CCDC47: variants seen among roughly 807,000 people sequenced by gnomAD.
CCDC47 encodes the protein coiled-coil domain containing 47, also known as PAT complex subunit CCDC47.
Under a neutral mutation model 60.5 loss-of-function variants are expected in CCDC47, and 41 were observed. The ratio of observed to expected loss-of-function variants is 0.68; its 90% CI spans 0.53 to 0.88. The LOEUF (loss-of-function observed/expected upper bound fraction) is 0.88. Ranked by LOEUF, CCDC47 falls within the 40% of genes least tolerant of loss-of-function variation. The pLI is 0.00. For synonymous variants in CCDC47, 195 were observed against 190.7 expected, an observed-to-expected ratio of 1.02 and a Z score of -0.18; for missense variants, 513 against 580.9, an observed-to-expected ratio of 0.88 and a Z score of 1.20.
chr17:63,747,458 T>G (rs528404205), intron 12 of CCDC47: 1 of 982,348 alleles, frequency 1.0e-6, no homozygotes, highest in East Asian at 1.1e-4. Flanking sequence ...TAATGCTCTA[T>G]TTGAGACATC....
intron 12 of CCDC47, chr17:63,747,327 A>C: frequency 2.0e-6 from 2 of 983,156 alleles, no homozygotes; most frequent in Non-Finnish European, 2.4e-6. Context: ...TAAATGTATA[A>C]CTGCCAGAAG....
chr17:63,752,011 C>T lies in CCDC47; in HGVS notation c.1300G>A (p.Glu434Lys). 1 of 1,613,596 alleles carries T rather than the reference C, an allele frequency of 6.2e-7. No homozygotes were observed. Among genetic ancestry groups the T allele is most frequent in the Non-Finnish European group, 8.5e-7 (1 of 1,179,970 alleles). The part of the protein sequence containing the change: ...QRQEAAQSRR[E>K]EKKRAEKERI... Reference sequence around the variant, plus strand: ...TCCTTCTCTGCTCTTTTTTTCTCCTCCCGCCGAGACTGTGCTGCTTCCTGT... The same window carrying T: ...TCCTTCTCTGCTCTTTTTTTCTCCTTCCGCCGAGACTGTGCTGCTTCCTGT... The change falls in exon 12 of 13, where the codon GAG (glutamate) becomes AAG (lysine). Residue 434 changes from glutamate to lysine, a missense_variant. Transcript: ENST00000225726.
intron 12 of CCDC47, among the ~76,000 whole-genome samples, chr17:63,751,037 G>A (rs1053916593): frequency 2.6e-4 from 24 of 92,908 alleles, no homozygotes; most frequent in Non-Finnish European, 4.1e-5. Flanking sequence ...ACTATGCACA[G>A]CTAATTTTTT....
intron 6 of CCDC47, among the ~76,000 whole-genome samples, chr17:63,758,416 G>A (rs764798302): frequency 6.6e-6 from 1 of 152,044 alleles, no homozygotes; most frequent in Non-Finnish European, 1.5e-5. Flanking sequence ...GCTCATGCCT[G>A]TAATCCCAGC....
At chr17:63,766,994 C>T (rs1222451031) in intron 1 of CCDC47, 3 of 953,400 alleles carry the variant, frequency 3.1e-6, no homozygotes, top group African/African-American at 1.8e-5. Context: ...ATGTGCTAGA[C>T]ACTGTTCCAA....
chr17:63,770,255 G>A (rs760120962), intron 1 of CCDC47, among the ~76,000 whole-genome samples: 7 of 151,974 alleles, frequency 4.6e-5, no homozygotes, highest in Admixed American at 2.0e-4. Flanking sequence ...TTACAGGCAT[G>A]AGCCACCGTG....
Position 63,765,811 on chromosome 17 carries a change from C to T in CCDC47, c.264+101G>A, listed in dbSNP as rs2039293490. The T allele has an allele frequency of 7.1e-6, 10 of 1,399,852 alleles. No individual in the cohort carries two copies. The South Asian group carries it at 8.5e-5, about 12-fold the overall frequency. The allele number at this position is 1,399,852 out of a possible 1,614,324, so 86.7% of individuals were successfully genotyped here. A position where few individuals can be genotyped will look rare whatever the true frequency, so the allele number is the denominator to read the frequency against. On this transcript the variant is annotated intron_variant, in intron 2 of 12. Transcript: ENST00000225726. ...TCTACCTAGTGAATGAAAATGAAGA[C>T]TCCAGACAGTAAAGGTCTCTTGAGC...
At chr17:63,758,739 G>C (rs1371231898) in intron 6 of CCDC47, among the ~76,000 whole-genome samples, 1 of 152,024 alleles carries the variant, frequency 6.6e-6, no homozygotes, top group Non-Finnish European at 1.5e-5. Context: ...ATCTTTAAAT[G>C]CTTGGGTGAA....
intron 8 of CCDC47, among the ~76,000 whole-genome samples, chr17:63,755,623 C>CA (rs1446970648): frequency 1.3e-5 from 2 of 152,050 alleles, no homozygotes; most frequent in Admixed American, 1.3e-4. Flanking sequence ...ATAAACATGT[C>CA]ACCTTGAACT....
In CCDC47 at chr17:63,763,883, T is replaced by C. The variant is rs190834860; in HGVS notation, c.547+133A>G. The C allele has an allele frequency of 2.0e-5, 9 of 451,066 alleles. No individual in the cohort carries two copies. The Admixed American group carries it at 3.9e-4, about 20-fold the overall frequency. 27.9% of individuals were successfully genotyped at this position (451,066 alleles called of 1,614,324 possible). ...TTAAAAAAAAAAAGAGCAGGGGGAA[T>C]CCTTGAGAGAAAAAACAATGCACCC... On this transcript the variant is annotated intron_variant, in intron 4 of 12. Transcript: ENST00000225726.
At chr17:63,752,605 A>T in intron 10 of CCDC47, 136 bp downstream of exon 10, 1 of 926,900 alleles carries the variant, frequency 1.1e-6, no homozygotes, top group South Asian at 2.2e-5. Context: ...TTCTTGAAGA[A>T]ATCTGGAAAT....
chr17:63,772,318 A>ATG (rs1366834508), intron 1 of CCDC47, among the ~76,000 whole-genome samples: 1 of 136,606 alleles, frequency 7.3e-6, no homozygotes, highest in Admixed American at 8.1e-5. Flanking sequence ...CAGTGGCACG[A>ATG]TCTCGGCTCA....
intron 4 of CCDC47, among the ~76,000 whole-genome samples, 157 bp downstream of exon 4, chr17:63,763,859 T>TAA (rs1267857266): frequency 1.4e-5 from 2 of 142,278 alleles, no homozygotes; most frequent in Non-Finnish European, 3.1e-5. Context: ...TAAATTAAAT[T>TAA]AAAAAAAAAA....
At chr17:63,771,070 G>A (rs1360067988) in intron 1 of CCDC47, among the ~76,000 whole-genome samples, 16 of 116,836 alleles carry the variant, frequency 1.4e-4, no homozygotes, top group Admixed American at 1.2e-3. Context: ...GAAATTAAAT[G>A]TTCTTAGAAT....
intron 6 of CCDC47, among the ~76,000 whole-genome samples, chr17:63,756,981 A>G (rs1192926695): frequency 6.6e-6 from 1 of 152,086 alleles, no homozygotes; most frequent in Admixed American, 6.6e-5. Context: ...GGACTACAGT[A>G]GTTCGTGCCT....
intron 2 of CCDC47, chr17:63,765,643 T>A: frequency 8.7e-7 from 1 of 1,144,864 alleles, no homozygotes. Flanking sequence ...CCCAGCCAAT[T>A]GCAAAGTTCT....
chr17:63,750,200 A>C (rs1320434884), intron 12 of CCDC47, among the ~76,000 whole-genome samples: 23 of 152,188 alleles, frequency 1.5e-4, no homozygotes, highest in Admixed American at 1.5e-3. Context: ...AAACCTTAGA[A>C]AGAAATGTAG....
chr17:63,756,702 T>C (rs2039210216), intron 6 of CCDC47, 132 bp from the exon 7 acceptor site: 1 of 631,496 alleles, frequency 1.6e-6, no homozygotes, highest in South Asian at 1.9e-5. Context: ...GATTTGCAAA[T>C]ATGATGGAAT....
At chr17:63,764,297 A>C in intron 3 of CCDC47, 107 bp from the exon 4 acceptor site, 2 of 800,526 alleles carry the variant, frequency 2.5e-6, no homozygotes, top group East Asian at 5.2e-5. Flanking sequence ...GATACTTCAG[A>C]TATCTGTCAT....
Sources: gnomAD v4.1 joint callset for allele counts (sites outside exome capture counted in the v4.1 genomes callset) on GRCh38, gnomAD v4.1.1 for gene constraint, MANE v1.5 for transcripts, NCBI Gene and HGNC (gene_info 2026-07-23, HGNC 2026-07-21) for gene names.